The following CWC25 variants were observed in gnomAD, a reference collection of about 807,000 sequenced individuals.
CWC25 encodes the protein pre-mRNA-splicing factor CWC25 homolog.
CWC25 carries 31 observed loss-of-function variants against 54.6 expected under a neutral mutation model. That is an observed-to-expected ratio of 0.57 (90% CI 0.43 to 0.77). The LOEUF (loss-of-function observed/expected upper bound fraction) is 0.77, where lower values mean the gene tolerates loss of function less well. Ranked by LOEUF, CWC25 falls within the 30% of genes least tolerant of loss-of-function variation. The pLI, the probability that CWC25 is intolerant of heterozygous loss-of-function variation, is 0.00. For synonymous variants in CWC25, 151 were observed against 187.0 expected (o/e 0.81, Z 1.57); for missense variants, 453 against 529.3 (o/e 0.86, Z 1.41).
intron 1 of CWC25, among the ~76,000 whole-genome samples, chr17:38,821,620 TCAAA>T (rs1349131552): frequency 6.6e-6 from 1 of 152,068 alleles, no homozygotes; most frequent in Non-Finnish European, 1.5e-5. Context: ...TGAATTCCCT[TCAAA>T]CAGTTTTAAC....
rs1017698945 is a variant in CWC25 at position 38,802,135 on chromosome 17, T to C, written c.1235A>G (p.Gln412Arg). The C allele has an allele frequency of 4.3e-6, 7 of 1,613,672 alleles. No individual in the cohort carries two copies. In the Admixed American group the frequency reaches 1.0e-4, roughly 23 times the overall value. The change falls in exon 10 of 10, where the codon CAG becomes CGG. Residue 412 changes from glutamine to arginine, a missense_variant. Gln to Arg is a conservative substitution (Grantham distance 43). Around this residue, in one of 2 missense-constraint regions of CWC25, gnomAD observed 444 missense variants for 499.2 expected, o/e 0.89. Transcript: ENST00000614790. ...DRVKRNIYSL[Q>R]RTSVALEKNF... is the part of the protein sequence containing the mutation. ...CTTCTCCAGAGCTACCGAAGTTCTC[T>C]GTAAAGAGTAGATATTCCGCTTCAC...
At chr17:38,810,854 G>C (rs1360850430) in intron 4 of CWC25, among the ~76,000 whole-genome samples, 1 of 150,168 alleles carries the variant, frequency 6.7e-6, no homozygotes, top group African/African-American at 2.5e-5. Context: ...CCAGGAGGCA[G>C]AGGTTGCAGT....
At chr17:38,819,318 G>A (rs951588971) in intron 2 of CWC25, among the ~76,000 whole-genome samples, 2 of 149,692 alleles carry the variant, frequency 1.3e-5, no homozygotes, top group Non-Finnish European at 3.0e-5. Context: ...TCCTGCCTCA[G>A]CCTCCCGAGT....
At chr17:38,816,844 C>G (rs1415503414) in intron 2 of CWC25, among the ~76,000 whole-genome samples, 1 of 151,774 alleles carries the variant, frequency 6.6e-6, no homozygotes, top group East Asian at 2.0e-4. Context: ...GTCACCAAGA[C>G]TGGCTAATTT....
At chr17:38,818,948 A>C (rs1911814136) in intron 2 of CWC25, among the ~76,000 whole-genome samples, 1 of 152,126 alleles carries the variant, frequency 6.6e-6, no homozygotes, top group South Asian at 2.1e-4. Context: ...ATGTCAAAAC[A>C]ATTTTTACCT....
chr17:38,822,210 T>C (rs1166365075), intron 1 of CWC25, among the ~76,000 whole-genome samples: 1 of 152,054 alleles, frequency 6.6e-6, no homozygotes, highest in Non-Finnish European at 1.5e-5. Context: ...ATTACAGGCA[T>C]GCGCCACCAC....
intron 2 of CWC25, among the ~76,000 whole-genome samples, chr17:38,819,623 C>T (rs989609798): frequency 1.3e-5 from 2 of 151,482 alleles, no homozygotes; most frequent in Non-Finnish European, 2.9e-5. Flanking sequence ...CCGCCCACCT[C>T]GGCCTCCCAA....
chr17:38,803,871 CTCT>C (rs1911125099), intron 8 of CWC25, among the ~76,000 whole-genome samples: 1 of 151,726 alleles, frequency 6.6e-6, no homozygotes, highest in Non-Finnish European at 1.5e-5. Flanking sequence ...GACCTCCCAT[CTCT>C]GCAAAAAAAA....
At chr17:38,810,368 T>G in intron 5 of CWC25, 100 bp downstream of exon 5, 1 of 1,304,918 alleles carries the variant, frequency 7.7e-7, no homozygotes, top group Non-Finnish European at 1.0e-6. Flanking sequence ...GCCCAGTACC[T>G]GGCAGCTTCC....
At chr17:38,821,178 A>T in intron 1 of CWC25, 105 bp from the exon 2 acceptor site, 1 of 1,090,564 alleles carries the variant, frequency 9.2e-7, no homozygotes, top group Non-Finnish European at 1.3e-6. Context: ...CAGGCGTGTG[A>T]GGGCAAGATG....
chr17:38,818,387 T>A (rs1256284336), intron 2 of CWC25, among the ~76,000 whole-genome samples: 1 of 150,946 alleles, frequency 6.6e-6, no homozygotes, highest in Non-Finnish European at 1.5e-5. Context: ...AGGTCAAAGA[T>A]CGACACCATC....
At chr17:38,814,703 G>T (rs1433924553) in intron 3 of CWC25, among the ~76,000 whole-genome samples, 158 bp downstream of exon 3, 2 of 129,878 alleles carry the variant, frequency 1.5e-5, no homozygotes, top group African/African-American at 6.2e-5. Context: ...CAGAGATCGC[G>T]CCACTGCACT....
At position 38,801,896 on chromosome 17, in the gene CWC25, C is replaced by T; in HGVS notation, c.*196G>A. 2.2e-6 allele frequency: 1 copy of T among 456,562 alleles called. No individual in the cohort carries two copies. The highest frequency in any genetic ancestry group is 4.7e-5 in the South Asian group (1 of 21,424). The allele number at this position is 456,562 out of a possible 1,614,324, so 28.3% of individuals were successfully genotyped here. A position where few individuals can be genotyped will look rare whatever the true frequency, so the allele number is the denominator to read the frequency against. ...GTTAAAGAGTCAAAACCCAAAGTTACTGAGTGTCCCACAAAGCAAGTCACA... is the reference window on the plus strand; with the variant it reads ...GTTAAAGAGTCAAAACCCAAAGTTATTGAGTGTCCCACAAAGCAAGTCACA... On this transcript the variant is annotated 3_prime_UTR_variant, in exon 10 of 10. Coordinates refer to ENST00000614790, the MANE Select transcript of CWC25 (RefSeq NM_017748.5).
In CWC25 at chr17:38,825,163, C is replaced by A; in HGVS notation, c.18+3G>T. ...TCCCCCGCCCAGGCCTCCCTCCACT[C>A]ACCAGGTCTCCGCCCCCCATGACGG... On this transcript the variant is annotated splice_donor_region_variant and intron_variant, in intron 1 of 9. Transcript: ENST00000614790. 1 of 1,579,608 alleles carries A rather than the reference C, an allele frequency of 6.3e-7. No individual in the cohort carries two copies. Among genetic ancestry groups the A allele is most frequent in the Non-Finnish European group, 8.6e-7 (1 of 1,164,094 alleles).
intron 4 of CWC25, among the ~76,000 whole-genome samples, chr17:38,811,410 G>A (rs572625320): frequency 3.1e-4 from 47 of 151,972 alleles, no homozygotes; most frequent in Non-Finnish European, 4.7e-4. Flanking sequence ...GCAGGCGCCT[G>A]TAGTCCCAGC....
Position 38,808,068 on chromosome 17 carries a change from A to AG in CWC25, c.691-1093_691-1092insC, listed in dbSNP as rs1340471292. ...GAGACTCCATCTCAAAAAAAAAAAA[A>AG]AAAAGAAAAGAAAAGAAAAGAATAT... is the stretch of plus-strand genomic sequence containing the variant. On this transcript the variant is annotated intron_variant, in intron 6 of 9. Transcript: ENST00000614790. Among the ~76,000 whole-genome samples, 932 of 124,090 alleles carry AG rather than the reference A, an allele frequency of 7.5e-3. 51 individuals are homozygous for AG. The highest frequency in any genetic ancestry group is 0.029 in the African/African-American group (892 of 30,604). The allele number at this position is 124,090 out of a possible 152,430, so 81.4% of individuals were successfully genotyped here.
At chr17:38,820,078 T>C (rs1283475131) in intron 2 of CWC25, among the ~76,000 whole-genome samples, 1 of 152,110 alleles carries the variant, frequency 6.6e-6, no homozygotes, top group Non-Finnish European at 1.5e-5. Context: ...GCTGGGATTA[T>C]AGGCATAAGC....
chr17:38,816,838 C>T (rs965094538), intron 2 of CWC25, among the ~76,000 whole-genome samples: 6 of 151,776 alleles, frequency 4.0e-5, no homozygotes, highest in Admixed American at 6.6e-5. Flanking sequence ...GCATGTGTCA[C>T]CAAGACTGGC....
intron 7 of CWC25, 153 bp downstream of exon 7, chr17:38,806,612 T>C (rs773286320): frequency 1.0e-5 from 8 of 801,020 alleles, no homozygotes; most frequent in South Asian, 7.7e-5. Flanking sequence ...GAGCTTTACA[T>C]TGAGGTGGAA....
Sources: allele counts gnomAD v4.1 joint callset (sites outside exome capture counted in the v4.1 genomes callset), GRCh38; gene constraint gnomAD v4.1.1; regional missense constraint gnomAD v4.1.1; transcripts MANE v1.5; gene names NCBI Gene and HGNC (gene_info 2026-07-23, HGNC 2026-07-21).